The following DPP10 variants were observed in gnomAD, a reference collection of about 807,000 sequenced individuals.
The protein encoded by DPP10 is dipeptidyl peptidase like 10, also known as inactive dipeptidyl peptidase 10.
A neutral mutation model predicts 120.9 loss-of-function variants in DPP10; 33 were observed. The observed-to-expected ratio is 0.27, with a 90% CI of 0.21 to 0.37. The LOEUF (loss-of-function observed/expected upper bound fraction) is 0.37, where lower values mean the gene tolerates loss of function less well. Ranked by LOEUF, DPP10 falls within the 10% of genes least tolerant of loss-of-function variation. DPP10 has a pLI of 1.00. For missense variants in DPP10, 816 were observed against 942.8 expected (o/e 0.87, Z 1.76); for synonymous variants, 337 against 326.1 (o/e 1.03, Z -0.36).
intron 5 of DPP10, chr2:115,579,741 C>T (rs1243689306): frequency 6.6e-6 from 1 of 152,156 alleles, no homozygotes; most frequent in Non-Finnish European, 1.5e-5. Flanking sequence ...CTCATTAGGT[C>T]CAACAGTTGC....
intron 1 of DPP10, among the ~76,000 whole-genome samples, chr2:114,625,103 G>T (rs1257661658): frequency 1.3e-5 from 2 of 152,074 alleles, no homozygotes; most frequent in East Asian, 3.9e-4. Context: ...TCTGAATCAA[G>T]ATTCAAGTAA....
At chr2:115,319,611 G>T (rs113386575) in intron 2 of DPP10, among the ~76,000 whole-genome samples, 10,116 of 152,144 alleles carry the variant, frequency 0.066, 391 homozygotes, top group Middle Eastern at 0.11. Flanking sequence ...AATAAGTTTG[G>T]TAGTTTGCGT....
intron 1 of DPP10, among the ~76,000 whole-genome samples, chr2:114,885,306 G>A (rs1691974564): frequency 6.6e-6 from 1 of 152,084 alleles, no homozygotes; most frequent in Non-Finnish European, 1.5e-5. Context: ...ACTTTTAAAT[G>A]TCCAGAGCCC....
At chr2:115,339,082 C>T (rs576038714) in intron 2 of DPP10, among the ~76,000 whole-genome samples, 4 of 152,132 alleles carry the variant, frequency 2.6e-5, no homozygotes, top group South Asian at 2.1e-4. Context: ...TTAGAATAGA[C>T]GAAGAACTCA....
intron 5 of DPP10, among the ~76,000 whole-genome samples, chr2:115,576,632 G>A (rs561727586): frequency 1.1e-4 from 16 of 152,144 alleles, no homozygotes; most frequent in African/African-American, 3.4e-4. Flanking sequence ...ATTTGAAAAC[G>A]GTTGAGATGG....
chr2:115,727,407 A>G lies in DPP10; in HGVS notation c.577-409A>G, dbSNP rs1425720575. On this transcript the variant is annotated intron_variant, in intron 7 of 25. Coordinates refer to ENST00000410059, the MANE Select transcript of DPP10 (RefSeq NM_020868.6). ...TCACCAAATGCATTTTTGTAAAAGT[A>G]AAGACCCCAAATTGAAGCTCTTCAA... 2.0e-5 allele frequency among the ~76,000 whole-genome samples: 3 copies of G among 152,176 alleles called. No individual in the cohort carries two copies. The East Asian group carries it at 5.8e-4, about 29-fold the overall frequency.
intron 1 of DPP10, among the ~76,000 whole-genome samples, chr2:114,892,465 C>CAAAT (rs1000445728): frequency 6.6e-6 from 1 of 152,044 alleles, no homozygotes; most frequent in Non-Finnish European, 1.5e-5. Flanking sequence ...GATCTTGATC[C>CAAAT]AAATAAATAA....
At chr2:114,998,854 G>A (rs949392870) in intron 1 of DPP10, among the ~76,000 whole-genome samples, 18 of 152,126 alleles carry the variant, frequency 1.2e-4, no homozygotes, top group African/African-American at 3.9e-4. Context: ...TACTCCTTAA[G>A]ATGCCATTTT....
intron 5 of DPP10, among the ~76,000 whole-genome samples, chr2:115,659,148 C>T (rs1049016737): frequency 1.6e-4 from 24 of 152,070 alleles, no homozygotes; most frequent in African/African-American, 5.6e-4. Flanking sequence ...CTTGCCTTTC[C>T]ACCTAAAGCC....
At chr2:114,468,383 T>C (rs1265949284) in intron 1 of DPP10, among the ~76,000 whole-genome samples, 2 of 108,670 alleles carry the variant, frequency 1.8e-5, no homozygotes, top group Non-Finnish European at 1.7e-5. Flanking sequence ...GATGACCTTG[T>C]CAGGCTTACA....
chr2:115,786,806 A>G (rs1051641738), intron 17 of DPP10, among the ~76,000 whole-genome samples: 1 of 152,230 alleles, frequency 6.6e-6, no homozygotes, highest in Non-Finnish European at 1.5e-5. Flanking sequence ...ATTGAGGCTT[A>G]TGGAAAGATG....
intron 1 of DPP10, among the ~76,000 whole-genome samples, chr2:115,007,384 C>A (rs1405598026): frequency 2.6e-5 from 4 of 152,110 alleles, no homozygotes; most frequent in Non-Finnish European, 5.9e-5. Context: ...ACCTTTCATG[C>A]TAAAAACTCT....
chr2:114,621,241 A>C (rs973620829), intron 1 of DPP10, among the ~76,000 whole-genome samples: 23 of 152,130 alleles, frequency 1.5e-4, no homozygotes, highest in African/African-American at 5.5e-4. Flanking sequence ...AGACAGTTGT[A>C]ATACTTAAGA....
intron 19 of DPP10, among the ~76,000 whole-genome samples, chr2:115,811,450 G>A (rs1226017166): frequency 6.6e-6 from 1 of 152,184 alleles, no homozygotes; most frequent in Non-Finnish European, 1.5e-5. Context: ...TTTACTAATT[G>A]TGAGTTTGAA....
chr2:115,287,630 A>AT (rs2060457562), intron 1 of DPP10, among the ~76,000 whole-genome samples: 1 of 152,056 alleles, frequency 6.6e-6, no homozygotes, highest in Admixed American at 6.6e-5. Flanking sequence ...TATTCCACTC[A>AT]TTTTTATGGC....
intron 1 of DPP10, among the ~76,000 whole-genome samples, chr2:114,680,466 G>A (rs188545079): frequency 2.0e-4 from 31 of 152,046 alleles, no homozygotes; most frequent in Admixed American, 1.2e-3. Flanking sequence ...TGTCTTAGAA[G>A]TGTAATTTAT....
At chr2:114,474,242 C>A (rs560988737) in intron 1 of DPP10, among the ~76,000 whole-genome samples, 3 of 152,358 alleles carry the variant, frequency 2.0e-5, no homozygotes, top group Non-Finnish European at 2.9e-5. Flanking sequence ...AGGCATGAGC[C>A]ATTGCGCCCA....
intron 5 of DPP10, among the ~76,000 whole-genome samples, chr2:115,649,488 A>G (rs932316657): frequency 6.6e-6 from 1 of 152,102 alleles, no homozygotes; most frequent in Non-Finnish European, 1.5e-5. Context: ...GATGATTTGT[A>G]CATAATTATT....
chr2:115,307,827 A>T (rs2061421174), intron 1 of DPP10, among the ~76,000 whole-genome samples: 1 of 152,142 alleles, frequency 6.6e-6, no homozygotes, highest in African/African-American at 2.4e-5. Context: ...TCTAAAGCTG[A>T]TAATTTGGGG....
Sources: gnomAD v4.1 joint callset for allele counts (sites outside exome capture counted in the v4.1 genomes callset) on GRCh38, gnomAD v4.1.1 for gene constraint, MANE v1.5 for transcripts, NCBI Gene and HGNC (gene_info 2026-07-23, HGNC 2026-07-21) for gene names.